Variants in SGSH observed in about 807,000 individuals in gnomAD.
SGSH encodes heparan sulfate sulfatase.
SGSH carries 48 observed loss-of-function variants against 51.0 expected under a neutral mutation model. The ratio of observed to expected loss-of-function variants is 0.94; its 90% CI spans 0.75 to 1.20. The LOEUF is 1.20. Among genes scored for constraint, SGSH ranks in the 50% most tolerant of loss-of-function variants. SGSH has a pLI of 0.00. For missense variants in SGSH, 662 were observed against 717.8 expected, an observed-to-expected ratio of 0.92 and a Z score of 0.89; for synonymous variants, 321 against 313.4, an observed-to-expected ratio of 1.02 and a Z score of -0.26.
intron 2 of SGSH, 120 bp from the exon 3 acceptor site, chr17:80,215,258 G>C: frequency 1.4e-6 from 1 of 734,722 alleles, no homozygotes; most frequent in Non-Finnish European, 2.4e-6. Context: ...TTTAGACTTC[G>C]AGTGGCCAGC....
Position 80,213,080 on chromosome 17 carries a change from G to A in SGSH, c.745+724C>T, listed in dbSNP as rs2041736089. 6.5e-6 allele frequency: 1 copy of A among 152,768 alleles called. No homozygotes were observed. Among genetic ancestry groups the A allele is most frequent in the Non-Finnish European group, 1.5e-5 (1 of 68,650 alleles). The allele number at this position is 152,768 out of a possible 1,614,324, so 9.5% of individuals were successfully genotyped here. A position where few individuals can be genotyped will look rare whatever the true frequency, so the allele number is the denominator to read the frequency against. ...GGCGTGCGGTGCGATTGCAGTCCTA[G>A]CTACTTTGGAGGCTGAGACAGAAAA... On this transcript the variant is annotated intron_variant, in intron 6 of 7. Transcript: ENST00000326317. This position sits in a 1 kb window ranked among gnomAD's most constrained non-coding sequence, Gnocchi z 4.6.
At chr17:80,207,070 T>A (rs773835416), downstream of SGSH, 9 of 1,613,566 alleles carry the variant, frequency 5.6e-6, no homozygotes, top group Non-Finnish European at 6.8e-6. Flanking sequence ...AACGAGAAGA[T>A]GGCAAAGAAG....
chr17:80,204,911 C>G, downstream of SGSH: 1 of 796,664 alleles, frequency 1.3e-6, no homozygotes, highest in Non-Finnish European at 1.9e-6. Flanking sequence ...GAGCCTGTGC[C>G]CCTGGAATTC....
In SGSH at chr17:80,212,249, C is replaced by T. The variant is rs1015384934; in HGVS notation, c.771G>A (p.Leu257=). 1 of 1,611,502 alleles carries T rather than the reference C, an allele frequency of 6.2e-7. No homozygotes were observed. Among genetic ancestry groups the T allele is most frequent in the Middle Eastern group, 1.7e-4 (1 of 6,060 alleles). ...DQGVGLVLQE[L]RDAGVLNDTL... Reference sequence around the variant, plus strand: ...TGTCGTTCAGGACACCGGCGTCACGCAGCTCCTGGAGCACCAGTCCAACTC... The same window carrying T: ...TGTCGTTCAGGACACCGGCGTCACGTAGCTCCTGGAGCACCAGTCCAACTC... Residue 257 remains leucine, a synonymous_variant, in exon 7 of 8, where the codon CTG becomes CTA. Coordinates refer to ENST00000326317, the MANE Select transcript of SGSH (RefSeq NM_000199.5). This position sits in a 1 kb window ranked among gnomAD's most constrained non-coding sequence, Gnocchi z 5.9.
downstream of SGSH, chr17:80,205,562 G>C: frequency 6.3e-7 from 1 of 1,583,140 alleles, no homozygotes; most frequent in African/African-American, 1.3e-5. Flanking sequence ...ATGAGGCCTG[G>C]AGCCAGAGAG....
chr17:80,208,155 T>TGG (rs1187263656), downstream of SGSH: 1 of 1,544,572 alleles, frequency 6.5e-7, no homozygotes, highest in Non-Finnish European at 8.7e-7. Flanking sequence ...CTACAGCGGT[T>TGG]GGGCACCTCA....
chr17:80,205,732 G>T, downstream of SGSH: 1 of 1,402,894 alleles, frequency 7.1e-7, no homozygotes, highest in East Asian at 2.5e-5. Flanking sequence ...TGAGATAAAG[G>T]TACAGGGACC....
intron 2 of SGSH, 39 bp from the exon 3 acceptor site, chr17:80,215,177 A>G (rs1420002276): frequency 6.7e-7 from 1 of 1,482,376 alleles, no homozygotes; most frequent in East Asian, 2.3e-5. Context: ...GCCCCCGGAC[A>G]GCCAGAGCCC....
downstream of SGSH, chr17:80,205,045 G>T (rs115102551): frequency 2.5e-6 from 4 of 1,597,358 alleles, no homozygotes; most frequent in Non-Finnish European, 3.4e-6. Context: ...GCTCCAGCAC[G>T]TGCTTCTGGG....
chr17:80,211,092 T>A, intron 7 of SGSH, 81 bp from the exon 8 acceptor site: 1 of 1,563,468 alleles, frequency 6.4e-7, no homozygotes, highest in South Asian at 1.2e-5. Flanking sequence ...CCTACGCCAC[T>A]CTGGGCGGCT....
At chr17:80,204,402 G>A (rs748907554), downstream of SGSH, 265 of 1,461,776 alleles carry the variant, frequency 1.8e-4, no homozygotes, top group Admixed American at 4.2e-4. Context: ...GGCTTTGGGA[G>A]CTGCTGCTAG....
chr17:80,209,396 G>A lies in SGSH; in HGVS notation c.*1056C>T, dbSNP rs1473541852. 3.0e-6 allele frequency: 3 copies of A among 985,368 alleles called. No individual in the cohort carries two copies. The East Asian group carries it at 3.4e-4, about 112-fold the overall frequency. 61.0% of individuals were successfully genotyped at this position (985,368 alleles called of 1,614,324 possible). A position where few individuals can be genotyped will look rare whatever the true frequency, so the allele number is the denominator to read the frequency against. On this transcript the variant is annotated 3_prime_UTR_variant, in exon 8 of 8. Transcript: ENST00000326317. ...TGATAGGGAGGGAAGGGCAAGGGGAGCCCACCTACTCAAGGAAGCGCCCTC... is the reference window on the plus strand; with the variant it reads ...TGATAGGGAGGGAAGGGCAAGGGGAACCCACCTACTCAAGGAAGCGCCCTC...
downstream of SGSH, among the ~76,000 whole-genome samples, chr17:80,206,336 G>A (rs960375938): frequency 3.2e-5 from 4 of 125,628 alleles, no homozygotes; most frequent in African/African-American, 8.2e-5. Flanking sequence ...GAAAGTAGCC[G>A]GGCACAGTGG....
chr17:80,208,410 C>T (rs1415842246), downstream of SGSH: 1 of 1,392,614 alleles, frequency 7.2e-7, no homozygotes, highest in Admixed American at 2.2e-5. Context: ...TCCTGTTCCT[C>T]AGCCCAGGCC....
chr17:80,202,821 AGGTTGCCAAG>A (rs987038567), downstream of SGSH: 27 of 223,298 alleles, frequency 1.2e-4, no homozygotes, highest in Non-Finnish European at 2.0e-4. Flanking sequence ...ATGTCTCTAT[AGGTTGCCAAG>A]GGTCCCCTGG....
rs17854435 is a variant in SGSH at position 80,213,820 on chromosome 17, G to A, written c.729C>T (p.Val243=). The A allele has an allele frequency of 8.1e-6, 13 of 1,605,698 alleles. No individual in the cohort carries two copies. Among genetic ancestry groups the A allele is most frequent in the Middle Eastern group, 1.7e-4 (1 of 5,932 alleles). The change falls in exon 6 of 8, where the codon GTC becomes GTT. Residue 243 remains valine, a synonymous_variant. Transcript: ENST00000326317. This position sits in a 1 kb window ranked among gnomAD's most constrained non-coding sequence, Gnocchi z 4.6. ...CAAGCCCACCTTGGTCCATGCGGCC[G>A]ACGGTGGTGTACTGAGCGGCCAGGT... The part of the protein sequence containing the change: ...RADLAAQYTT[V]GRMDQGVGLV...
At chr17:80,211,483 C>T (rs74000628) in intron 7 of SGSH, 5,242 of 275,682 alleles carry the variant, frequency 0.019, 197 homozygotes, top group African/African-American at 0.08. Flanking sequence ...TGCCCTGTGC[C>T]GAAGGGGTCA....
rs4889839 is a variant in SGSH, at chr17:80,215,164, G to A, written c.250-26C>T. ...CTGCCAGCAAAGGCGCATGAGGTCC[G>A]GGGCCCCCGGACAGCCAGAGCCCGC... On this transcript the variant is annotated intron_variant, in intron 2 of 7. Transcript: ENST00000326317. 0.52 allele frequency: 816,410 copies of A among 1,581,696 alleles called. 212,596 individuals carry two copies. The highest frequency in any genetic ancestry group is 0.67 in the East Asian group (29,689 of 44,430).
chr17:80,204,241 A>G (rs374555359), downstream of SGSH: 1 of 1,588,728 alleles, frequency 6.3e-7, no homozygotes, highest in Admixed American at 1.7e-5. Context: ...CTTCTGGGGG[A>G]CCACAGAAGC....
Sources: allele counts gnomAD v4.1 joint callset (sites outside exome capture counted in the v4.1 genomes callset), GRCh38; gene constraint gnomAD v4.1.1; non-coding constraint Gnocchi (gnomAD v3.1); transcripts MANE v1.5; gene names NCBI Gene and HGNC (gene_info 2026-07-23, HGNC 2026-07-21).